The following PARP8 variants were observed in gnomAD, a reference collection of about 807,000 sequenced individuals.
PARP8 encodes the protein poly(ADP-ribose) polymerase family member 8, also known as protein mono-ADP-ribosyltransferase PARP8.
In PARP8, 51 loss-of-function variants were observed where a neutral mutation model predicts 124.1. The ratio of observed to expected loss-of-function variants is 0.41; its 90% confidence interval spans 0.33 to 0.52. The LOEUF is 0.52. Among genes scored for constraint, PARP8 ranks in the 20% least tolerant of loss-of-function variants. The pLI is 0.21. For synonymous variants in PARP8, 391 were observed against 361.5 expected, an observed-to-expected ratio of 1.08 and a Z score of -0.93; for missense variants, 860 against 1,018.9, an observed-to-expected ratio of 0.84 and a Z score of 2.12.
chr5:50,739,235 T>G, intron 2 of PARP8: 1 of 575,996 alleles, frequency 1.7e-6, no homozygotes, highest in Non-Finnish European at 3.2e-6. Flanking sequence ...AGTCATTCAG[T>G]CTTCCTCTCC....
rs1182138826 is a variant in PARP8, at chr5:50,844,977, G to A, written c.*2909G>A. 6.7e-6 allele frequency: 1 copy of A among 150,068 alleles called. No individual in the cohort carries two copies. The highest frequency in any genetic ancestry group is 1.5e-5 in the Non-Finnish European group (1 of 67,554). 9.3% of individuals were successfully genotyped at this position (150,068 alleles called of 1,614,324 possible). ...TTAGTAAATCTCAGTCATACGTTTG[G>A]TTTGAAGCTGTTTTTTTTTTTAATT... On this transcript the variant is annotated 3_prime_UTR_variant, in exon 26 of 26. Transcript: ENST00000281631.
intron 2 of PARP8, among the ~76,000 whole-genome samples, chr5:50,737,918 G>T (rs375661434): frequency 6.6e-6 from 1 of 152,178 alleles, no homozygotes; most frequent in Non-Finnish European, 1.5e-5. Context: ...AAATATGTCA[G>T]ATTTAAGCAC....
chr5:50,685,599 T>G (rs1164285795), intron 2 of PARP8, among the ~76,000 whole-genome samples: 1 of 152,192 alleles, frequency 6.6e-6, no homozygotes, highest in African/African-American at 2.4e-5. Context: ...GGAACATTTT[T>G]CATTTTATTT....
chr5:50,827,095 A>G (rs113479249), intron 19 of PARP8, among the ~76,000 whole-genome samples: 7 of 152,284 alleles, frequency 4.6e-5, no homozygotes, highest in African/African-American at 1.7e-4. Context: ...GAGATTAACC[A>G]GAAGGAAGTT....
At chr5:50,777,641 A>G (rs1384641079) in intron 7 of PARP8, among the ~76,000 whole-genome samples, 2 of 152,042 alleles carry the variant, frequency 1.3e-5, no homozygotes, top group Admixed American at 6.6e-5. Flanking sequence ...ATGCCTAACT[A>G]GAAGGAAAAA....
chr5:50,702,151 A>G (rs1401154246), intron 2 of PARP8, among the ~76,000 whole-genome samples: 3 of 152,200 alleles, frequency 2.0e-5, no homozygotes, highest in African/African-American at 7.2e-5. Flanking sequence ...TAAAAGGAAC[A>G]TCTCTTAACT....
Position 50,667,942 on chromosome 5 carries a change from C to T in PARP8, c.92-129C>T, listed in dbSNP as rs1214927257. ...CGGACGCGGCGCAGAGGGACCTCGC[C>T]GCCCTCTAGCCCTTGCCTTCTGCCC... On this transcript the variant is annotated intron_variant, in intron 1 of 25. Coordinates refer to ENST00000281631, the MANE Select transcript of PARP8 (RefSeq NM_024615.4). 1.9e-6 allele frequency: 3 copies of T among 1,564,628 alleles called. No homozygotes were observed. In the East Asian group the frequency reaches 6.8e-5, roughly 35 times the overall value.
At chr5:50,765,186 C>T (rs1760936300) in intron 7 of PARP8, among the ~76,000 whole-genome samples, 2 of 151,682 alleles carry the variant, frequency 1.3e-5, no homozygotes, top group Non-Finnish European at 1.5e-5. Flanking sequence ...CGCTTGAACT[C>T]AGGGGGCGGA....
chr5:50,676,282 C>T (rs1224689561), intron 2 of PARP8, among the ~76,000 whole-genome samples: 7 of 152,090 alleles, frequency 4.6e-5, no homozygotes, highest in Non-Finnish European at 8.8e-5. Context: ...CATATTGAGC[C>T]GGGAAGAATT....
chr5:50,689,032 A>ATT lies in PARP8; in HGVS notation c.146+20924_146+20925dup, dbSNP rs67863550. ...AATATGAATGAATTTTTTTTTTTTG[A>ATT]TTTTTTTTTTTTTTTTTTGGTGAGT... On this transcript the variant is annotated intron_variant, in intron 2 of 25. Coordinates refer to ENST00000281631, the MANE Select transcript of PARP8 (RefSeq NM_024615.4). Among the ~76,000 whole-genome samples, 78 of 111,270 alleles carry ATT rather than the reference A, an allele frequency of 7.0e-4. 1 individual carries two copies. Among genetic ancestry groups the ATT allele is most frequent in the South Asian group, 1.2e-3 (4 of 3,336 alleles). The allele number at this position is 111,270 out of a possible 152,430, so 73.0% of individuals were successfully genotyped here.
chr5:50,716,735 T>C (rs1426087189), intron 2 of PARP8, among the ~76,000 whole-genome samples: 1 of 152,102 alleles, frequency 6.6e-6, no homozygotes, highest in Admixed American at 6.6e-5. Context: ...ATACAGTGAA[T>C]ATTATCTTTA....
chr5:50,837,585 T>C (rs1747724042), intron 25 of PARP8, among the ~76,000 whole-genome samples: 2 of 152,062 alleles, frequency 1.3e-5, no homozygotes, highest in Non-Finnish European at 2.9e-5. Context: ...AAAAGTCTAT[T>C]ATCAGGTAAC....
At chr5:50,839,086 A>G (rs1747892961) in intron 25 of PARP8, among the ~76,000 whole-genome samples, 1 of 151,962 alleles carries the variant, frequency 6.6e-6, no homozygotes. Context: ...CAAGTTGTCA[A>G]TAATTTCAAA....
intron 9 of PARP8, among the ~76,000 whole-genome samples, chr5:50,780,648 C>G (rs1212125909): frequency 6.6e-6 from 1 of 152,066 alleles, no homozygotes; most frequent in Non-Finnish European, 1.5e-5. Context: ...AACTCATCTG[C>G]TCTTTCTTTC....
At position 50,788,512 on chromosome 5, in the gene PARP8, T is replaced by G. The variant is rs756344662; in HGVS notation, c.671-11T>G. ...AGTCAATATGTGACTGTGATCCTTT[T>G]TCCTTTCCAGTGCCCACTGTTGATG... is the stretch of plus-strand genomic sequence containing the variant. On this transcript the variant is annotated splice_polypyrimidine_tract_variant and intron_variant, in intron 9 of 25. Transcript: ENST00000281631. The G allele has an allele frequency of 2.5e-5, 40 of 1,611,878 alleles. No homozygotes were observed. The highest frequency in any genetic ancestry group is 3.3e-5 in the Non-Finnish European group (39 of 1,178,458).
intron 7 of PARP8, among the ~76,000 whole-genome samples, chr5:50,777,740 A>T (rs1487623093): frequency 5.9e-5 from 9 of 152,168 alleles, no homozygotes. Flanking sequence ...CCTTATCCTC[A>T]GAGTGCTGTG....
chr5:50,789,329 G>T (rs1473941415), intron 10 of PARP8, among the ~76,000 whole-genome samples: 1 of 149,854 alleles, frequency 6.7e-6, no homozygotes, highest in Admixed American at 6.6e-5. Flanking sequence ...AGTAAATAGA[G>T]AACACTGATA....
At chr5:50,757,573 T>C (rs1448973361) in intron 3 of PARP8, among the ~76,000 whole-genome samples, 2 of 152,154 alleles carry the variant, frequency 1.3e-5, no homozygotes. Flanking sequence ...TTCTAATTCC[T>C]AAACACTAAT....
intron 15 of PARP8, among the ~76,000 whole-genome samples, chr5:50,819,301 G>T (rs1580451742): frequency 1.3e-5 from 2 of 152,044 alleles, no homozygotes; most frequent in African/African-American, 2.4e-5. Context: ...GGTCAAAAAT[G>T]CATGGACTTT....
Sources: gnomAD v4.1 joint callset for allele counts (sites outside exome capture counted in the v4.1 genomes callset) on GRCh38, gnomAD v4.1.1 for gene constraint, MANE v1.5 for transcripts, NCBI Gene and HGNC (gene_info 2026-07-23, HGNC 2026-07-21) for gene names.